Variants in CEACAM21 observed in about 807,000 individuals in gnomAD.
The protein encoded by CEACAM21 is CEA cell adhesion molecule 21, also known as cell adhesion molecule CEACAM21.
In CEACAM21, 38 loss-of-function variants were observed where a neutral mutation model predicts 33.2. The observed-to-expected ratio is 1.14, with a 90% CI of 0.88 to 1.50. The LOEUF is 1.50. CEACAM21 is among the 40% of genes most tolerant of loss of function. The pLI is 0.00. For missense variants in CEACAM21, 385 were observed against 364.6 expected, an observed-to-expected ratio of 1.06 and a Z score of -0.46; for synonymous variants, 156 against 143.0, an observed-to-expected ratio of 1.09 and a Z score of -0.65.
chr19:41,551,884 G>A (rs1320915913), intron 1 of CEACAM21: 1 of 152,194 alleles, frequency 6.6e-6, no homozygotes, highest in Non-Finnish European at 1.5e-5. Flanking sequence ...GGAGGACAGT[G>A]AAGCTCTACC....
At chr19:41,553,083 A>G (rs1233040408) in intron 1 of CEACAM21, among the ~76,000 whole-genome samples, 14 of 152,082 alleles carry the variant, frequency 9.2e-5, no homozygotes, top group African/African-American at 3.4e-4. Flanking sequence ...TATAGTTTCC[A>G]AAAGTTTTTG....
intron 1 of CEACAM21, chr19:41,554,866 T>G (rs782458347): frequency 2.0e-5 from 3 of 152,102 alleles, no homozygotes; most frequent in Non-Finnish European, 2.9e-5. Flanking sequence ...TTTTAATTAA[T>G]TTTTTCATAA....
chr19:41,572,794 C>T (rs1429136336), upstream of CEACAM21, among the ~76,000 whole-genome samples: 2 of 152,170 alleles, frequency 1.3e-5, no homozygotes, highest in Admixed American at 1.3e-4. Flanking sequence ...AATTCCCACA[C>T]ATGGCAAGCA....
rs2070751143 is a variant in CEACAM21 at position 41,586,586 on chromosome 19, TG to T, written c.*127del. The T allele has an allele frequency of 1.2e-5, 7 of 597,204 alleles. No individual in the cohort carries two copies. The highest frequency in any genetic ancestry group is 8.2e-5 in the South Asian group (6 of 73,030). The allele number at this position is 597,204 out of a possible 1,614,324, so 37.0% of individuals were successfully genotyped here. A position where few individuals can be genotyped will look rare whatever the true frequency, so the allele number is the denominator to read the frequency against. ...GGAGCGTCCCTGAAGCCCCCAGCCC[TG>T]GGGATGGGGAAGGACATGGAGCCTG... On this transcript the variant is annotated 3_prime_UTR_variant, in exon 7 of 7. Coordinates refer to ENST00000401445, the MANE Select transcript of CEACAM21 (RefSeq NM_001098506.4).
At chr19:41,566,979 T>C (rs1256918007) in intron 2 of CEACAM21, among the ~76,000 whole-genome samples, 1 of 152,234 alleles carries the variant, frequency 6.6e-6, no homozygotes, top group Non-Finnish European at 1.5e-5. Flanking sequence ...TTAAAATCTC[T>C]CTTGTGTCTT....
chr19:41,563,402 C>G (rs1332885230), intron 1 of CEACAM21, among the ~76,000 whole-genome samples: 2 of 152,190 alleles, frequency 1.3e-5, no homozygotes, highest in Admixed American at 1.3e-4. Flanking sequence ...AAATCCCATC[C>G]CAGCCAGGGA....
At chr19:41,552,775 G>T (rs1322123017) in intron 1 of CEACAM21, among the ~76,000 whole-genome samples, 3 of 152,152 alleles carry the variant, frequency 2.0e-5, no homozygotes, top group African/African-American at 7.2e-5. Context: ...CTGTTTCGGG[G>T]GTGTAGAGGC....
chr19:41,584,544 C>A, intron 4 of CEACAM21, 101 bp downstream of exon 4: 2 of 1,022,662 alleles, frequency 2.0e-6, no homozygotes, highest in Non-Finnish European at 1.5e-6. Context: ...TCTCCCCAGC[C>A]TCCCGACTCC....
intron 1 of CEACAM21, among the ~76,000 whole-genome samples, chr19:41,559,091 T>A (rs1339548107): frequency 1.3e-5 from 2 of 152,198 alleles, no homozygotes; most frequent in African/African-American, 4.8e-5. Flanking sequence ...ATTTGAACAA[T>A]GTGAGAAGCT....
chr19:41,575,184 G>A (rs548961972), upstream of CEACAM21, among the ~76,000 whole-genome samples: 331 of 152,068 alleles, frequency 2.2e-3, no homozygotes, highest in Non-Finnish European at 2.9e-3. Flanking sequence ...GGGTGGGGCA[G>A]GGGGAAGTGG....
upstream of CEACAM21, among the ~76,000 whole-genome samples, chr19:41,571,338 T>C (rs2042601243): frequency 6.6e-6 from 1 of 152,198 alleles, no homozygotes; most frequent in Non-Finnish European, 1.5e-5. Context: ...GGAGAAGGCA[T>C]GTTTAGAGAT....
chr19:41,564,428 G>C (rs2042121535), intron 1 of CEACAM21, among the ~76,000 whole-genome samples: 1 of 151,878 alleles, frequency 6.6e-6, no homozygotes. Context: ...CTAATCCTGC[G>C]TTACCGTTCG....
At chr19:41,559,891 T>C (rs1311389154) in intron 1 of CEACAM21, among the ~76,000 whole-genome samples, 1 of 152,194 alleles carries the variant, frequency 6.6e-6, no homozygotes, top group Non-Finnish European at 1.5e-5. Context: ...GGAGGATCTA[T>C]TGAGATCGGA....
intron 1 of CEACAM21, among the ~76,000 whole-genome samples, chr19:41,553,033 A>G (rs1555784790): frequency 6.7e-6 from 1 of 149,606 alleles, no homozygotes; most frequent in Non-Finnish European, 1.5e-5. Context: ...AGAAAATAAT[A>G]AAAACTGAAT....
intron 2 of CEACAM21, among the ~76,000 whole-genome samples, chr19:41,570,368 C>G (rs2042525011): frequency 6.6e-6 from 1 of 152,202 alleles, no homozygotes; most frequent in Non-Finnish European, 1.5e-5. Flanking sequence ...TTCCTCCCAC[C>G]TGCCCATCCT....
chr19:41,579,643 G>A lies in CEACAM21; in HGVS notation c.700+15G>A, dbSNP rs376349909. ...GACTGTAAAATGTGAGTGACCCTCG[G>A]CCCCTCTCACTCCTTTCCTTGTATA... On this transcript the variant is annotated intron_variant, in intron 3 of 6. Coordinates refer to ENST00000401445, the MANE Select transcript of CEACAM21 (RefSeq NM_001098506.4). 3 of 1,505,732 alleles carry A rather than the reference G, an allele frequency of 2.0e-6. No individual in the cohort carries two copies. The highest frequency in any genetic ancestry group is 2.7e-6 in the Non-Finnish European group (3 of 1,113,792). 93.3% of individuals were successfully genotyped at this position (1,505,732 alleles called of 1,614,324 possible). A position where few individuals can be genotyped will look rare whatever the true frequency, so the allele number is the denominator to read the frequency against.
intron 1 of CEACAM21, chr19:41,550,727 G>C (rs782489018): frequency 6.6e-6 from 1 of 152,064 alleles, no homozygotes; most frequent in Non-Finnish European, 1.5e-5. Context: ...TGCCCAGATC[G>C]CACGACTGCA....
intron 2 of CEACAM21, among the ~76,000 whole-genome samples, chr19:41,567,304 C>G (rs897655861): frequency 6.6e-6 from 1 of 152,112 alleles, no homozygotes; most frequent in Admixed American, 6.5e-5. Context: ...ATGTTGAGAA[C>G]AAATTAAGGC....
intron 6 of CEACAM21, chr19:41,586,221 G>A (rs2070726939): frequency 3.7e-6 from 2 of 541,178 alleles, no homozygotes; most frequent in Non-Finnish European, 6.7e-6. Flanking sequence ...AGATATTCTG[G>A]TCCCTTGGGC....
Sources: gnomAD v4.1 joint callset for allele counts (sites outside exome capture counted in the v4.1 genomes callset) on GRCh38, gnomAD v4.1.1 for gene constraint, MANE v1.5 for transcripts, NCBI Gene and HGNC (gene_info 2026-07-23, HGNC 2026-07-21) for gene names.